NT5DC1: variants seen among roughly 807,000 people sequenced by gnomAD.
NT5DC1 encodes the protein 5'-nucleotidase domain containing 1.
NT5DC1 carries 42 observed loss-of-function variants against 59.4 expected under a neutral mutation model. The ratio of observed to expected loss-of-function variants is 0.71; its 90% CI spans 0.55 to 0.92. The LOEUF (loss-of-function observed/expected upper bound fraction) is 0.92. Ranked by LOEUF, NT5DC1 falls within the 40% of genes least tolerant of loss-of-function variation. The pLI is 0.00. For missense variants in NT5DC1, 501 were observed against 537.1 expected, an observed-to-expected ratio of 0.93 and a Z score of 0.66; for synonymous variants, 172 against 188.1, an observed-to-expected ratio of 0.91 and a Z score of 0.70.
intron 6 of NT5DC1, chr6:116,137,177 C>CA (rs1772488824): frequency 5.4e-6 from 1 of 186,472 alleles, no homozygotes; most frequent in Non-Finnish European, 1.2e-5. Context: ...CCCCAAAACC[C>CA]AAAGGGATGT....
chr6:116,217,621 A>T (rs1781711701), intron 6 of NT5DC1, among the ~76,000 whole-genome samples: 2 of 152,106 alleles, frequency 1.3e-5, no homozygotes, highest in Non-Finnish European at 2.9e-5. Context: ...TACATGAATA[A>T]TATTATTTTT....
intron 6 of NT5DC1, 31 bp downstream of exon 6, chr6:116,117,976 C>T (rs75318055): frequency 9.4e-6 from 10 of 1,064,150 alleles, no homozygotes; most frequent in South Asian, 1.3e-5. Flanking sequence ...CCTTCTAATA[C>T]GTGTTTGTTA....
chr6:116,193,925 G>A (rs1361301569), intron 6 of NT5DC1, among the ~76,000 whole-genome samples: 2 of 151,926 alleles, frequency 1.3e-5, no homozygotes, highest in Admixed American at 1.3e-4. Flanking sequence ...GTAGTCAGAT[G>A]TGGTGGCATG....
In NT5DC1 at chr6:116,245,425, A is replaced by T. The variant is rs1360667829; in HGVS notation, c.*1401A>T. On this transcript the variant is annotated 3_prime_UTR_variant, in exon 12 of 12. Transcript: ENST00000319550. The stretch of plus-strand genomic sequence containing the variant: ...ATTTGTAAATGTTCAGCTAAATCTC[A>T]GATATACTGTGGGATGAGTATCTCA... 6.6e-6 allele frequency: 1 copy of T among 152,638 alleles called. No homozygotes were observed. The highest frequency in any genetic ancestry group is 1.5e-5 in the Non-Finnish European group (1 of 68,022). The allele number at this position is 152,638 out of a possible 1,614,324, so 9.5% of individuals were successfully genotyped here. A position where few individuals can be genotyped will look rare whatever the true frequency, so the allele number is the denominator to read the frequency against.
intron 8 of NT5DC1, among the ~76,000 whole-genome samples, chr6:116,232,573 C>G (rs2114554716): frequency 6.6e-6 from 1 of 151,826 alleles, no homozygotes; most frequent in South Asian, 2.1e-4. Flanking sequence ...AAAGTAGTGA[C>G]ACCAAGCACT....
intron 8 of NT5DC1, among the ~76,000 whole-genome samples, chr6:116,233,141 A>G (rs369342045): frequency 6.6e-6 from 1 of 152,184 alleles, no homozygotes; most frequent in Non-Finnish European, 1.5e-5. Context: ...CTAATAATAT[A>G]TTTTTATAGA....
At chr6:116,143,329 A>C (rs754684701) in intron 6 of NT5DC1, among the ~76,000 whole-genome samples, 1 of 151,732 alleles carries the variant, frequency 6.6e-6, no homozygotes, top group Non-Finnish European at 1.5e-5. Context: ...TCCTGCCTCA[A>C]CCTCTCAAGT....
At chr6:116,109,438 A>G (rs1307385600) in intron 3 of NT5DC1, among the ~76,000 whole-genome samples, 1 of 152,178 alleles carries the variant, frequency 6.6e-6, no homozygotes, top group Non-Finnish European at 1.5e-5. Flanking sequence ...TCAGATTCTC[A>G]CAGTGTTCTT....
chr6:116,173,018 C>A (rs1340667181), intron 6 of NT5DC1, among the ~76,000 whole-genome samples: 1 of 152,136 alleles, frequency 6.6e-6, no homozygotes, highest in East Asian at 1.9e-4. Context: ...CAGAGGAATA[C>A]AATTCACAGA....
intron 6 of NT5DC1, among the ~76,000 whole-genome samples, chr6:116,175,949 G>T (rs1780725781): frequency 6.6e-6 from 1 of 152,056 alleles, no homozygotes; most frequent in Non-Finnish European, 1.5e-5. Flanking sequence ...GGTTGTTTGG[G>T]GGCTTCTTGT....
At chr6:116,115,479 T>C (rs1162463696) in intron 4 of NT5DC1, among the ~76,000 whole-genome samples, 4 of 152,262 alleles carry the variant, frequency 2.6e-5, no homozygotes, top group Non-Finnish European at 5.9e-5. Flanking sequence ...GCTTAACTTC[T>C]AGATATCATC....
intron 6 of NT5DC1, among the ~76,000 whole-genome samples, chr6:116,164,677 G>T (rs1340629044): frequency 6.6e-6 from 1 of 152,236 alleles, no homozygotes; most frequent in East Asian, 1.9e-4. Flanking sequence ...TGTGAACTTT[G>T]TACTTACGTG....
intron 6 of NT5DC1, chr6:116,121,298 C>T (rs1465628466): frequency 6.2e-7 from 1 of 1,614,014 alleles, no homozygotes; most frequent in Non-Finnish European, 8.5e-7. Context: ...CCCTGGCTGG[C>T]CTGGGGCTCC....
chr6:116,115,850 G>T, intron 5 of NT5DC1, 80 bp downstream of exon 5: 3 of 686,602 alleles, frequency 4.4e-6, no homozygotes, highest in East Asian at 5.5e-5. Flanking sequence ...TTGCTTCTGA[G>T]TTGTGATTTT....
intron 6 of NT5DC1, among the ~76,000 whole-genome samples, chr6:116,122,364 G>T (rs1779156707): frequency 6.6e-6 from 1 of 152,144 alleles, no homozygotes; most frequent in Non-Finnish European, 1.5e-5. Flanking sequence ...CCCTCCCAAA[G>T]CTACCCTGTC....
intron 6 of NT5DC1, among the ~76,000 whole-genome samples, chr6:116,183,725 G>A (rs1176085685): frequency 6.6e-6 from 1 of 151,750 alleles, no homozygotes; most frequent in Admixed American, 6.6e-5. Context: ...GTATAGCAGG[G>A]CTACTCATTT....
chr6:116,182,172 C>T (rs1046299919), intron 6 of NT5DC1, among the ~76,000 whole-genome samples: 2 of 151,458 alleles, frequency 1.3e-5, no homozygotes, highest in Non-Finnish European at 2.9e-5. Context: ...CAGGTTGCTA[C>T]AAATGCCATT....
chr6:116,134,579 T>C (rs1332569271), intron 6 of NT5DC1, among the ~76,000 whole-genome samples: 1 of 152,166 alleles, frequency 6.6e-6, no homozygotes, highest in Non-Finnish European at 1.5e-5. Flanking sequence ...ATGGTTTGCC[T>C]CATGCTTGTG....
At chr6:116,126,217 A>C (rs773040853) in intron 6 of NT5DC1, 1 of 152,168 alleles carries the variant, frequency 6.6e-6, no homozygotes, top group Non-Finnish European at 1.5e-5. Flanking sequence ...CTCCCCTCAA[A>C]GTTGGTAAGC....
Sources: allele counts gnomAD v4.1 joint callset (sites outside exome capture counted in the v4.1 genomes callset), GRCh38; gene constraint gnomAD v4.1.1; transcripts MANE v1.5; gene names NCBI Gene and HGNC (gene_info 2026-07-23, HGNC 2026-07-21).